CSMD1: variants seen among roughly 807,000 people sequenced by gnomAD.
The protein encoded by CSMD1 is CUB and sushi domain-containing protein 1.
CSMD1 carries 213 observed loss-of-function variants against 417.5 expected under a neutral mutation model. That is an observed-to-expected ratio of 0.51 (90% CI 0.46 to 0.57). The LOEUF (loss-of-function observed/expected upper bound fraction) is 0.57, where lower values mean the gene tolerates loss of function less well. Among genes scored for constraint, CSMD1 ranks in the 20% least tolerant of loss-of-function variants. The pLI, the probability that CSMD1 is intolerant of heterozygous loss-of-function variation, is 0.00. For missense variants in CSMD1, 6,923 were observed against 4,529.7 expected, an observed-to-expected ratio of 1.53 and a Z score of -15.17; for synonymous variants, 2,862 against 1,736.8, an observed-to-expected ratio of 1.65 and a Z score of -16.11.
chr8:3,122,037 C>G (rs746300658), intron 41 of CSMD1, among the ~76,000 whole-genome samples: 7 of 151,886 alleles, frequency 4.6e-5, no homozygotes, highest in Non-Finnish European at 1.0e-4. Context: ...GCAAAAACCT[C>G]AATTGCCTTT....
intron 7 of CSMD1, 105 bp downstream of exon 7, chr8:3,708,309 G>C (rs1801294559): frequency 3.6e-6 from 3 of 839,510 alleles, no homozygotes; most frequent in Non-Finnish European, 5.9e-6. Context: ...AGAAGGAAGA[G>C]ATAACGTGGG....
chr8:4,471,208 C>A (rs929056687), intron 2 of CSMD1, among the ~76,000 whole-genome samples: 3 of 152,116 alleles, frequency 2.0e-5, no homozygotes, highest in Non-Finnish European at 4.4e-5. Flanking sequence ...GAAAAACAAT[C>A]TTAGAAAAAG....
intron 2 of CSMD1, among the ~76,000 whole-genome samples, chr8:4,538,803 T>C (rs114574517): frequency 2.3e-3 from 352 of 152,296 alleles, no homozygotes; most frequent in African/African-American, 8.1e-3. Context: ...AAACAGAAGC[T>C]CAAAGAAGTA....
chr8:3,694,811 A>C (rs1363229281), intron 7 of CSMD1, among the ~76,000 whole-genome samples: 1 of 151,974 alleles, frequency 6.6e-6, no homozygotes, highest in Non-Finnish European at 1.5e-5. Flanking sequence ...GCAGGGAGCC[A>C]GGGGAACGCG....
At chr8:4,546,371 T>A (rs755314951) in intron 2 of CSMD1, among the ~76,000 whole-genome samples, 1 of 152,192 alleles carries the variant, frequency 6.6e-6, no homozygotes, top group African/African-American at 2.4e-5. Context: ...AAAAGATTGC[T>A]TCTGAGTGTG....
intron 3 of CSMD1, among the ~76,000 whole-genome samples, chr8:4,120,862 C>G (rs566396602): frequency 1.3e-5 from 2 of 152,200 alleles, no homozygotes; most frequent in South Asian, 2.1e-4. Flanking sequence ...ATTACAGAAA[C>G]AAATTTTTTC....
intron 52 of CSMD1, among the ~76,000 whole-genome samples, chr8:3,008,646 T>C (rs1381956005): frequency 1.3e-5 from 2 of 152,184 alleles, no homozygotes; most frequent in African/African-American, 4.8e-5. Flanking sequence ...GGGTGACCTA[T>C]GTTTTCTGGA....
At chr8:4,058,222 T>G (rs1264920268) in intron 3 of CSMD1, among the ~76,000 whole-genome samples, 1 of 152,112 alleles carries the variant, frequency 6.6e-6, no homozygotes, top group Non-Finnish European at 1.5e-5. Flanking sequence ...AGCAGTGGTT[T>G]GTAGTTCTCC....
intron 1 of CSMD1, among the ~76,000 whole-genome samples, chr8:4,943,202 T>A (rs1417412016): frequency 6.6e-6 from 1 of 152,140 alleles, no homozygotes. Context: ...TTGCACTTTA[T>A]TTGAAAATCA....
intron 3 of CSMD1, among the ~76,000 whole-genome samples, chr8:4,283,953 C>G (rs920352127): frequency 1.3e-5 from 2 of 152,154 alleles, no homozygotes; most frequent in Non-Finnish European, 2.9e-5. Flanking sequence ...ATAAGTTTGG[C>G]CAGGGGTGGT....
intron 10 of CSMD1, among the ~76,000 whole-genome samples, chr8:3,563,698 G>T (rs1471939626): frequency 1.3e-5 from 2 of 152,050 alleles, no homozygotes; most frequent in Non-Finnish European, 2.9e-5. Context: ...AGACCAGCCT[G>T]GCCAATGTAG....
intron 1 of CSMD1, among the ~76,000 whole-genome samples, chr8:4,964,282 G>A (rs1209505752): frequency 6.6e-6 from 1 of 151,900 alleles, no homozygotes; most frequent in Non-Finnish European, 1.5e-5. Flanking sequence ...GGGAGGCAAA[G>A]GGGGGCAAAT....
chr8:3,817,745 C>T (rs1421805775), intron 5 of CSMD1, among the ~76,000 whole-genome samples: 1 of 152,112 alleles, frequency 6.6e-6, no homozygotes, highest in African/African-American at 2.4e-5. Context: ...GGAGAAATAA[C>T]TTCCAGAAAC....
chr8:3,834,032 C>T (rs1177413791), intron 5 of CSMD1, among the ~76,000 whole-genome samples: 1 of 152,120 alleles, frequency 6.6e-6, no homozygotes, highest in African/African-American at 2.4e-5. Context: ...TAACTCTTGA[C>T]ACGGTCACTA....
chr8:4,808,156 G>T (rs1041668839), intron 1 of CSMD1, among the ~76,000 whole-genome samples: 5 of 152,164 alleles, frequency 3.3e-5, no homozygotes, highest in Admixed American at 2.6e-4. Context: ...CGATTCCGGC[G>T]GTGTGGAGTC....
intron 3 of CSMD1, among the ~76,000 whole-genome samples, chr8:4,051,597 G>A: frequency 6.6e-6 from 1 of 152,292 alleles, no homozygotes; most frequent in Admixed American, 6.5e-5. Flanking sequence ...GAAGTGCTAA[G>A]TGCACAGCGG....
At chr8:3,772,439 TTATATATACA>T (rs1563064310) in intron 5 of CSMD1, among the ~76,000 whole-genome samples, 9 of 80,560 alleles carry the variant, frequency 1.1e-4, no homozygotes, top group East Asian at 4.6e-4. Flanking sequence ...ATACATACAT[TTATATATACA>T]CATATATATA....
At chr8:3,853,865 A>G (rs1353876077) in intron 5 of CSMD1, among the ~76,000 whole-genome samples, 1 of 147,724 alleles carries the variant, frequency 6.8e-6, no homozygotes, top group Non-Finnish European at 1.5e-5. Context: ...AACTTAATAT[A>G]TTATACTTTA....
intron 18 of CSMD1, among the ~76,000 whole-genome samples, chr8:3,376,828 A>C (rs955752516): frequency 1.3e-5 from 2 of 152,138 alleles, no homozygotes; most frequent in African/African-American, 4.8e-5. Context: ...TGAATGTTTA[A>C]AGGTTTAAAT....
Sources: gnomAD v4.1 joint callset for allele counts (sites outside exome capture counted in the v4.1 genomes callset) on GRCh38, gnomAD v4.1.1 for gene constraint, MANE v1.5 for transcripts, NCBI Gene and HGNC (gene_info 2026-07-23, HGNC 2026-07-21) for gene names.